The following GABRA3 variants were observed in gnomAD, a reference collection of about 807,000 sequenced individuals.
GABRA3 encodes the protein gamma-aminobutyric acid type A receptor subunit alpha3.
GABRA3 carries 10 observed loss-of-function variants against 30.1 expected under a neutral mutation model. The ratio of observed to expected loss-of-function variants is 0.33; its 90% CI spans 0.20 to 0.56. GABRA3 has a LOEUF of 0.56. Among genes scored for constraint, GABRA3 ranks in the 20% least tolerant of loss-of-function variants. GABRA3 has a pLI of 0.89. For missense variants in GABRA3, 233 were observed against 392.0 expected, an observed-to-expected ratio of 0.59 and a Z score of 3.42; for synonymous variants, 151 against 146.8, an observed-to-expected ratio of 1.03 and a Z score of -0.21.
intron 3 of GABRA3, among the ~76,000 whole-genome samples, chrX:152,328,602 A>T (rs1055293992): frequency 8.9e-6 from 1 of 112,075 alleles, no homozygotes. Flanking sequence ...CAAAAACCAC[A>T]CAATTATTTC....
chrX:152,205,174 C>A (rs1186130828), intron 7 of GABRA3, among the ~76,000 whole-genome samples: 1 of 111,732 alleles, frequency 8.9e-6, no homozygotes, highest in South Asian at 3.7e-4. Context: ...GGGATTAGGA[C>A]TTAAACATAT....
intron 4 of GABRA3, among the ~76,000 whole-genome samples, chrX:152,275,273 T>C (rs1209904720): frequency 1.5e-5 from 1 of 68,939 alleles, no homozygotes; most frequent in Non-Finnish European, 2.4e-5. Context: ...ATAAATTATA[T>C]ATATAAATTA....
chrX:152,269,006 A>G (rs1938878847), intron 4 of GABRA3, among the ~76,000 whole-genome samples: 1 of 112,358 alleles, frequency 8.9e-6, no homozygotes, highest in Non-Finnish European at 1.9e-5. Context: ...GACAGAAAAG[A>G]TACATGATAT....
At chrX:152,321,770 C>A (rs897585073) in intron 3 of GABRA3, among the ~76,000 whole-genome samples, 1 of 110,988 alleles carries the variant, frequency 9.0e-6, no homozygotes, top group Non-Finnish European at 1.9e-5. Context: ...TGCAAGAGAA[C>A]CCTCCTCACA....
At chrX:152,277,428 G>A (rs1939107466) in intron 4 of GABRA3, among the ~76,000 whole-genome samples, 1 of 110,838 alleles carries the variant, frequency 9.0e-6, no homozygotes, top group Non-Finnish European at 1.9e-5. Context: ...TTCTCATTAA[G>A]CTGGATGGTC....
chrX:152,360,449 A>G (rs1928448990), intron 2 of GABRA3, among the ~76,000 whole-genome samples: 1 of 102,816 alleles, frequency 9.7e-6, no homozygotes, highest in Admixed American at 1.1e-4. Flanking sequence ...GTGTTTTAAC[A>G]AAAAACCAAA....
At chrX:152,423,474 A>G (rs181335005) in intron 1 of GABRA3, among the ~76,000 whole-genome samples, 1 of 112,385 alleles carries the variant, frequency 8.9e-6, no homozygotes, top group East Asian at 2.8e-4. Flanking sequence ...GAAGTATTCA[A>G]TAAGTTGCAC....
At chrX:152,286,099 GTTATATAC>G (rs1294628173) in intron 3 of GABRA3, among the ~76,000 whole-genome samples, 1 of 83,900 alleles carries the variant, frequency 1.2e-5, no homozygotes, top group East Asian at 3.4e-4. Context: ...TTATAAATAA[GTTATATAC>G]TTATATACTA....
intron 2 of GABRA3, among the ~76,000 whole-genome samples, chrX:152,355,394 C>G (rs1043871682): frequency 1.3e-4 from 14 of 111,225 alleles, no homozygotes; most frequent in Non-Finnish European, 3.8e-5. Context: ...GTTTGGCCAC[C>G]TTGGCTGAAG....
chrX:152,303,936 C>A (rs1210865433), intron 3 of GABRA3, among the ~76,000 whole-genome samples: 1 of 111,597 alleles, frequency 9.0e-6, no homozygotes, highest in Non-Finnish European at 1.9e-5. Context: ...ATGTAACAAA[C>A]CTGCATGTTC....
intron 1 of GABRA3, among the ~76,000 whole-genome samples, chrX:152,429,388 C>A (rs764041128): frequency 9.1e-6 from 1 of 109,968 alleles, no homozygotes; most frequent in Admixed American, 9.7e-5. Context: ...CTATTCTTCA[C>A]ACAGCAACCA....
intron 3 of GABRA3, among the ~76,000 whole-genome samples, chrX:152,300,952 A>AT (rs1939620494): frequency 8.9e-6 from 1 of 111,937 alleles, no homozygotes; most frequent in Admixed American, 9.5e-5. Context: ...GCAGAAAAAA[A>AT]TTTTTTTGAA....
chrX:152,323,309 T>C (rs1230282023), intron 3 of GABRA3, among the ~76,000 whole-genome samples: 1 of 111,753 alleles, frequency 8.9e-6, no homozygotes, highest in Admixed American at 9.6e-5. Context: ...TTTTACTTCA[T>C]TTTGAATGTC....
chrX:152,298,881 C>T (rs1055047111), intron 3 of GABRA3, among the ~76,000 whole-genome samples: 1 of 111,979 alleles, frequency 8.9e-6, no homozygotes, highest in South Asian at 3.7e-4. Context: ...TCCTCTCCAG[C>T]ACCTGTTGTT....
At chrX:152,329,059 G>T (rs1399311262) in intron 3 of GABRA3, among the ~76,000 whole-genome samples, 2 of 110,253 alleles carry the variant, frequency 1.8e-5, no homozygotes, top group Non-Finnish European at 3.8e-5. Flanking sequence ...ACCAATAACG[G>T]ACAGAGAGCC....
intron 6 of GABRA3, among the ~76,000 whole-genome samples, chrX:152,218,275 T>A (rs1332965412): frequency 9.0e-6 from 1 of 110,749 alleles, no homozygotes; most frequent in Admixed American, 9.7e-5. Context: ...TTTGTAAATT[T>A]TGCGAACTTC....
intron 4 of GABRA3, among the ~76,000 whole-genome samples, chrX:152,278,126 A>T (rs1476300494): frequency 2.7e-5 from 3 of 111,442 alleles, no homozygotes; most frequent in Admixed American, 9.6e-5. Flanking sequence ...TCTTTTTTTT[A>T]AATTAAAGTT....
chrX:152,326,462 G>A (rs1316152777), intron 3 of GABRA3, among the ~76,000 whole-genome samples: 2 of 111,363 alleles, frequency 1.8e-5, no homozygotes, highest in Non-Finnish European at 3.8e-5. Context: ...AAGAAAGGTC[G>A]GGTTACCCAC....
At chrX:152,181,697 G>A (rs771843573) in intron 9 of GABRA3, among the ~76,000 whole-genome samples, 148 of 109,985 alleles carry the variant, frequency 1.3e-3, no homozygotes, top group African/African-American at 4.7e-3. Context: ...GGGAGGGATA[G>A]CATTAGGAGA....
Sources: gnomAD v4.1 joint callset for allele counts (sites outside exome capture counted in the v4.1 genomes callset) on GRCh38, gnomAD v4.1.1 for gene constraint, MANE v1.5 for transcripts, NCBI Gene and HGNC (gene_info 2026-07-23, HGNC 2026-07-21) for gene names.